PTPRR: variants seen among roughly 807,000 people sequenced by gnomAD.
The protein encoded by PTPRR is protein tyrosine phosphatase receptor type R, also known as receptor-type tyrosine-protein phosphatase R.
In PTPRR, 38 loss-of-function variants were observed where a neutral mutation model predicts 77.2. That is an observed-to-expected ratio of 0.49 (90% CI 0.38 to 0.65). The LOEUF is 0.65. Among genes scored for constraint, PTPRR ranks in the 30% least tolerant of loss-of-function variants. PTPRR has a pLI of 0.00. For synonymous variants in PTPRR, 299 were observed against 283.1 expected (o/e 1.06, Z -0.57); for missense variants, 744 against 799.2 (o/e 0.93, Z 0.83).
intron 2 of PTPRR, among the ~76,000 whole-genome samples, chr12:70,786,295 G>C (rs187003574): frequency 3.9e-5 from 6 of 152,280 alleles, no homozygotes; most frequent in Admixed American, 1.3e-4. Flanking sequence ...GAGGCTTTTA[G>C]GGATGCTTAG....
At chr12:70,644,127 T>A (rs879684138) in intron 13 of PTPRR, among the ~76,000 whole-genome samples, 5 of 152,242 alleles carry the variant, frequency 3.3e-5, no homozygotes, top group Non-Finnish European at 2.9e-5. Context: ...ACTTTCCCAA[T>A]AAATACTTGC....
chr12:70,770,150 T>C (rs1356399918), intron 2 of PTPRR, among the ~76,000 whole-genome samples: 43 of 139,916 alleles, frequency 3.1e-4, no homozygotes, highest in South Asian at 6.9e-4. Context: ...AAAGACAAAA[T>C]TGACAAATGG....
chr12:70,809,521 C>G (rs1358414631), intron 2 of PTPRR, among the ~76,000 whole-genome samples: 1 of 152,158 alleles, frequency 6.6e-6, no homozygotes, highest in African/African-American at 2.4e-5. Context: ...TTATGTCGTA[C>G]AGTAGATAGC....
intron 2 of PTPRR, among the ~76,000 whole-genome samples, chr12:70,832,560 A>T (rs967645099): frequency 1.6e-4 from 24 of 152,108 alleles, no homozygotes; most frequent in African/African-American, 5.6e-4. Flanking sequence ...CTTGCATCTT[A>T]CTTGCAGGTG....
chr12:70,710,148 A>G (rs1888771240), intron 6 of PTPRR, among the ~76,000 whole-genome samples: 1 of 152,176 alleles, frequency 6.6e-6, no homozygotes, highest in Non-Finnish European at 1.5e-5. Context: ...CTGACTTCAA[A>G]CTATACTACA....
chr12:70,844,018 G>A (rs1317578624), intron 2 of PTPRR, among the ~76,000 whole-genome samples: 2 of 151,806 alleles, frequency 1.3e-5, no homozygotes, highest in African/African-American at 4.8e-5. Context: ...GTTTCATCAT[G>A]TTGGCCAGGC....
chr12:70,715,459 G>A (rs555435166), intron 6 of PTPRR, among the ~76,000 whole-genome samples: 1 of 152,062 alleles, frequency 6.6e-6, no homozygotes, highest in Non-Finnish European at 1.5e-5. Context: ...GAGAGCAACC[G>A]GTCTGACCAA....
chr12:70,678,241 A>G (rs1887522946), intron 10 of PTPRR, among the ~76,000 whole-genome samples: 1 of 152,144 alleles, frequency 6.6e-6, no homozygotes. Context: ...GGGTTTCACC[A>G]TGTTGGCTGG....
chr12:70,754,340 G>A (rs762024696), intron 4 of PTPRR, 39 bp from the exon 5 acceptor site: 1 of 1,609,548 alleles, frequency 6.2e-7, no homozygotes, highest in Non-Finnish European at 8.5e-7. Flanking sequence ...TTAAATGAGA[G>A]CTTGAGAAAA....
intron 2 of PTPRR, among the ~76,000 whole-genome samples, chr12:70,874,125 A>G (rs1051235609): frequency 6.6e-6 from 1 of 152,166 alleles, no homozygotes; most frequent in Non-Finnish European, 1.5e-5. Context: ...TTTCTTTAAG[A>G]ACTGAATGAT....
chr12:70,735,984 A>G (rs181340815), intron 6 of PTPRR, among the ~76,000 whole-genome samples: 148 of 152,290 alleles, frequency 9.7e-4, no homozygotes, highest in Admixed American at 4.2e-3. Flanking sequence ...CACACACACA[A>G]TGAAGTGGGC....
At chr12:70,787,565 T>TA (rs1034640343) in intron 2 of PTPRR, among the ~76,000 whole-genome samples, 1 of 151,858 alleles carries the variant, frequency 6.6e-6, no homozygotes. Context: ...AGAAAATCAC[T>TA]AAAAAAACTT....
chr12:70,896,754 G>T (rs1039074657), intron 1 of PTPRR, among the ~76,000 whole-genome samples: 1 of 151,450 alleles, frequency 6.6e-6, no homozygotes, highest in Non-Finnish European at 1.5e-5. Flanking sequence ...GGTCTAACAT[G>T]TAAGTCTTTA....
intron 2 of PTPRR, among the ~76,000 whole-genome samples, chr12:70,866,918 C>T (rs1892862091): frequency 6.6e-6 from 1 of 151,486 alleles, no homozygotes; most frequent in African/African-American, 2.4e-5. Flanking sequence ...ATAAACAGAA[C>T]CAAAGACAAA....
intron 6 of PTPRR, among the ~76,000 whole-genome samples, chr12:70,733,424 C>A (rs200496784): frequency 1.2e-4 from 2 of 17,288 alleles, no homozygotes; most frequent in Admixed American, 8.1e-4. Context: ...AAACAAACAA[C>A]AACAAAAAAA....
chr12:70,709,577 A>G (rs188482591), intron 6 of PTPRR, among the ~76,000 whole-genome samples: 16 of 152,246 alleles, frequency 1.1e-4, no homozygotes, highest in Admixed American at 8.5e-4. Flanking sequence ...TCCTATATCT[A>G]GAAAACCCAG....
chr12:70,887,616 A>C (rs909739726), intron 2 of PTPRR, among the ~76,000 whole-genome samples: 2 of 152,188 alleles, frequency 1.3e-5, no homozygotes, highest in African/African-American at 4.8e-5. Context: ...AGCCTTCATT[A>C]TGTGCTAGAC....
In PTPRR at chr12:70,877,937, A is replaced by T. The variant is rs576834778; in HGVS notation, c.357+14742T>A. 2.4e-4 allele frequency among the ~76,000 whole-genome samples: 36 copies of T among 152,262 alleles called. No individual in the cohort carries two copies. In the South Asian group the frequency reaches 7.3e-3, roughly 31 times the overall value. On this transcript the variant is annotated intron_variant, in intron 2 of 13. Transcript: ENST00000283228. The stretch of plus-strand genomic sequence containing the variant: ...ATGGAACAGAACACAGCCCTAAGAA[A>T]TAATGCTGCATATCTACAACTATCT...
At chr12:70,686,755 TGCCA>T (rs1887885103) in intron 8 of PTPRR, among the ~76,000 whole-genome samples, 1 of 152,162 alleles carries the variant, frequency 6.6e-6, no homozygotes, top group South Asian at 2.1e-4. Context: ...GATCCCTCAG[TGCCA>T]GCCAAGTGTT....
Sources: allele counts gnomAD v4.1 joint callset (sites outside exome capture counted in the v4.1 genomes callset), GRCh38; gene constraint gnomAD v4.1.1; transcripts MANE v1.5; gene names NCBI Gene and HGNC (gene_info 2026-07-23, HGNC 2026-07-21).